The following TDRD3 variants were observed in gnomAD, a reference collection of about 807,000 sequenced individuals.
TDRD3 encodes the protein tudor domain-containing protein 3.
A neutral mutation model predicts 86.7 loss-of-function variants in TDRD3; 45 were observed. That is an observed-to-expected ratio of 0.52 (90% CI 0.41 to 0.67). The LOEUF is 0.67. TDRD3 is among the 30% of genes least tolerant of loss of function. TDRD3 has a pLI of 0.00. For synonymous variants in TDRD3, 298 were observed against 301.7 expected, an observed-to-expected ratio of 0.99 and a Z score of 0.13; for missense variants, 814 against 889.0, an observed-to-expected ratio of 0.92 and a Z score of 1.07.
intron 3 of TDRD3, among the ~76,000 whole-genome samples, chr13:60,448,639 A>G (rs1955462652): frequency 6.6e-6 from 1 of 152,102 alleles, no homozygotes; most frequent in Non-Finnish European, 1.5e-5. Context: ...TTGTGACTGG[A>G]AGGAAGTGTG....
intron 1 of TDRD3, among the ~76,000 whole-genome samples, chr13:60,398,036 C>T (rs1304514765): frequency 1.3e-5 from 2 of 152,196 alleles, no homozygotes; most frequent in African/African-American, 2.4e-5. Flanking sequence ...CTCGGTAGAA[C>T]TTTTCTTGAA....
chr13:60,455,305 T>A (rs1955641321), intron 3 of TDRD3, among the ~76,000 whole-genome samples: 2 of 152,240 alleles, frequency 1.3e-5, no homozygotes, highest in Non-Finnish European at 2.9e-5. Flanking sequence ...TCATAAGTGC[T>A]ATTTAAAGCT....
At chr13:60,467,457 G>A (rs1391985745) in intron 5 of TDRD3, 78 bp downstream of exon 5, 6 of 1,501,128 alleles carry the variant, frequency 4.0e-6, no homozygotes, top group Non-Finnish European at 4.5e-6. Flanking sequence ...TCAATAATGA[G>A]TAAAATTAGT....
intron 8 of TDRD3, chr13:60,509,498 T>G (rs1400573213): frequency 3.4e-5 from 13 of 383,580 alleles, no homozygotes; most frequent in Non-Finnish European, 6.2e-5. Context: ...AAGGCCATAC[T>G]CTAACATATC....
chr13:60,448,771 G>GTCATGA (rs1474186010), intron 3 of TDRD3, among the ~76,000 whole-genome samples: 1 of 152,176 alleles, frequency 6.6e-6, no homozygotes, highest in Non-Finnish European at 1.5e-5. Flanking sequence ...TATGGAAAAA[G>GTCATGA]TCATGATAAA....
intron 1 of TDRD3, among the ~76,000 whole-genome samples, chr13:60,436,136 T>C (rs1301039350): frequency 1.4e-5 from 2 of 142,630 alleles, no homozygotes; most frequent in African/African-American, 4.9e-5. Context: ...CTGATTTGTT[T>C]GAGTTCCTTG....
intron 13 of TDRD3, among the ~76,000 whole-genome samples, chr13:60,570,890 A>G (rs1050540299): frequency 6.6e-6 from 1 of 152,220 alleles, no homozygotes; most frequent in Non-Finnish European, 1.5e-5. Context: ...CTTAAAAGTA[A>G]ATTGTAAACC....
In TDRD3 at chr13:60,495,470, T is replaced by A. The variant is rs112379265; in HGVS notation, c.858+895T>A. 3.4e-3 allele frequency among the ~76,000 whole-genome samples: 513 copies of A among 152,014 alleles called. 4 individuals are homozygous for A. Among genetic ancestry groups the A allele is most frequent in the African/African-American group, 0.012 (489 of 41,502 alleles). ...TGATCATTCAGGAATCAGAGGTATT[T>A]TTTTTTTTTTGAGATGGCATTTCAC... On this transcript the variant is annotated intron_variant, in intron 8 of 13. Coordinates refer to ENST00000377881, the MANE Select transcript of TDRD3 (RefSeq NM_001146070.2).
At chr13:60,545,683 A>ATAT (rs531329763) in intron 12 of TDRD3, among the ~76,000 whole-genome samples, 33 of 152,200 alleles carry the variant, frequency 2.2e-4, no homozygotes, top group East Asian at 7.7e-4. Flanking sequence ...GATAATATAA[A>ATAT]TATTATTATT....
intron 8 of TDRD3, among the ~76,000 whole-genome samples, chr13:60,507,962 A>T (rs576549004): frequency 6.6e-6 from 1 of 152,332 alleles, no homozygotes; most frequent in South Asian, 2.1e-4. Context: ...AATCACAAGC[A>T]TTCCTATACA....
chr13:60,537,067 A>G (rs986039789), intron 12 of TDRD3: 1 of 152,078 alleles, frequency 6.6e-6, no homozygotes, highest in Non-Finnish European at 1.5e-5. Flanking sequence ...TATGTCATTT[A>G]TTAACCTATT....
intron 8 of TDRD3, among the ~76,000 whole-genome samples, chr13:60,498,663 G>A (rs1470416623): frequency 1.3e-5 from 2 of 152,134 alleles, no homozygotes; most frequent in Non-Finnish European, 2.9e-5. Context: ...GAATGAAGGG[G>A]AGGCTGGGTC....
chr13:60,468,324 G>A lies in TDRD3; in HGVS notation c.495+945G>A, dbSNP rs181916648. Among the ~76,000 whole-genome samples, 4 of 152,114 alleles carry A rather than the reference G, an allele frequency of 2.6e-5. No individual in the cohort carries two copies. The East Asian group carries it at 7.7e-4, about 29-fold the overall frequency. ...TTTCCATTTTTACATTATTCATCTT[G>A]TTTTTTCTCTCCTGATCCCCGCATA... On this transcript the variant is annotated intron_variant, in intron 5 of 13. Transcript: ENST00000377881.
At chr13:60,420,032 T>C (rs1386832412) in intron 1 of TDRD3, among the ~76,000 whole-genome samples, 1 of 152,048 alleles carries the variant, frequency 6.6e-6, no homozygotes, top group Non-Finnish European at 1.5e-5. Context: ...TTATATGTAA[T>C]ACATCATGTA....
At chr13:60,480,869 G>T (rs1412762971) in intron 5 of TDRD3, among the ~76,000 whole-genome samples, 1 of 152,032 alleles carries the variant, frequency 6.6e-6, no homozygotes, top group Admixed American at 6.6e-5. Flanking sequence ...GTAACAGCTG[G>T]GGCACTGCAG....
intron 8 of TDRD3, among the ~76,000 whole-genome samples, chr13:60,502,489 A>G (rs1439928480): frequency 6.6e-6 from 1 of 152,150 alleles, no homozygotes; most frequent in African/African-American, 2.4e-5. Flanking sequence ...ACTTGGCCTG[A>G]TTATTTGCAT....
chr13:60,509,328 G>T (rs2137653428), intron 8 of TDRD3, among the ~76,000 whole-genome samples: 1 of 152,080 alleles, frequency 6.6e-6, no homozygotes, highest in African/African-American at 2.4e-5. Flanking sequence ...AAAGCTCCTG[G>T]GGGGTATCAT....
At chr13:60,408,312 T>C (rs921292751) in intron 1 of TDRD3, among the ~76,000 whole-genome samples, 2 of 152,142 alleles carry the variant, frequency 1.3e-5, no homozygotes, top group Non-Finnish European at 2.9e-5. Flanking sequence ...AGAACTAATA[T>C]AGTAAATTAG....
intron 1 of TDRD3, among the ~76,000 whole-genome samples, chr13:60,400,056 A>G (rs1234649125): frequency 1.3e-5 from 2 of 152,228 alleles, no homozygotes; most frequent in Non-Finnish European, 2.9e-5. Flanking sequence ...TAGCACACAA[A>G]CTATTAGATT....
Sources: gnomAD v4.1 joint callset for allele counts (sites outside exome capture counted in the v4.1 genomes callset) on GRCh38, gnomAD v4.1.1 for gene constraint, MANE v1.5 for transcripts, NCBI Gene and HGNC (gene_info 2026-07-23, HGNC 2026-07-21) for gene names.